The following KIAA1328 variants were observed in gnomAD, a reference collection of about 807,000 sequenced individuals.
KIAA1328 encodes KIAA1328.
KIAA1328 carries 52 observed loss-of-function variants against 68.1 expected under a neutral mutation model. The observed-to-expected ratio is 0.76, with a 90% CI of 0.61 to 0.96. KIAA1328 has a LOEUF of 0.96. KIAA1328 is among the 40% of genes least tolerant of loss of function. The pLI is 0.00. For synonymous variants in KIAA1328, 232 were observed against 239.4 expected (o/e 0.97, Z 0.28); for missense variants, 641 against 677.6 (o/e 0.95, Z 0.60).
intron 9 of KIAA1328, among the ~76,000 whole-genome samples, chr18:37,208,579 C>T (rs774385390): frequency 1.3e-5 from 2 of 152,198 alleles, no homozygotes; most frequent in African/African-American, 2.4e-5. Context: ...ACAGAGCAGA[C>T]GACAGGATCC....
At chr18:37,003,446 G>A (rs1379599246) in intron 6 of KIAA1328, among the ~76,000 whole-genome samples, 2 of 151,944 alleles carry the variant, frequency 1.3e-5, no homozygotes, top group East Asian at 3.9e-4. Flanking sequence ...ACCTGGCAGG[G>A]GACTCATATC....
At chr18:36,856,595 G>A (rs1374737330) in intron 4 of KIAA1328, among the ~76,000 whole-genome samples, 1 of 146,140 alleles carries the variant, frequency 6.8e-6, no homozygotes, top group Non-Finnish European at 1.5e-5. Context: ...CTTGACCATA[G>A]TTCTTTTAGT....
At chr18:36,906,173 C>T (rs1199512960) in intron 5 of KIAA1328, among the ~76,000 whole-genome samples, 2 of 152,112 alleles carry the variant, frequency 1.3e-5, no homozygotes, top group Non-Finnish European at 2.9e-5. Context: ...TTGTATTCCA[C>T]CTTAGAATCC....
intron 6 of KIAA1328, among the ~76,000 whole-genome samples, chr18:37,025,567 A>C (rs2054536669): frequency 6.6e-6 from 1 of 152,140 alleles, no homozygotes; most frequent in African/African-American, 2.4e-5. Context: ...GGATTAAGAA[A>C]CTCACTCAAA....
chr18:36,976,052 A>G (rs1028060010), intron 6 of KIAA1328, among the ~76,000 whole-genome samples: 4 of 152,242 alleles, frequency 2.6e-5, no homozygotes, highest in African/African-American at 7.2e-5. Flanking sequence ...CTCTCAGAGC[A>G]GTACTGCTCA....
Position 37,223,363 on chromosome 18 carries a change from C to G in KIAA1328, c.*1136C>G. On this transcript the variant is annotated 3_prime_UTR_variant, in exon 10 of 10. Transcript: ENST00000280020. ...GGAAGTTATGCAGTGCAGACCTCATCCTGTCTGCTGTCTTTTCTCCCACAG... is the reference window on the plus strand; with the variant it reads ...GGAAGTTATGCAGTGCAGACCTCATGCTGTCTGCTGTCTTTTCTCCCACAG... The G allele has an allele frequency of 1.0e-6, 1 of 985,362 alleles. No individual in the cohort carries two copies. The highest frequency in any genetic ancestry group is 1.2e-6 in the Non-Finnish European group (1 of 829,926). The allele number at this position is 985,362 out of a possible 1,614,324, so 61.0% of individuals were successfully genotyped here.
intron 7 of KIAA1328, among the ~76,000 whole-genome samples, chr18:37,123,533 A>G (rs1485851342): frequency 1.3e-5 from 2 of 152,196 alleles, no homozygotes; most frequent in Non-Finnish European, 2.9e-5. Flanking sequence ...TACAAATAAG[A>G]TGTGCATAAG....
At chr18:37,030,645 T>G (rs570812629) in intron 6 of KIAA1328, among the ~76,000 whole-genome samples, 1 of 152,332 alleles carries the variant, frequency 6.6e-6, no homozygotes, top group Non-Finnish European at 1.5e-5. Flanking sequence ...GGATATAGTA[T>G]TCTGTTTATC....
intron 6 of KIAA1328, among the ~76,000 whole-genome samples, chr18:37,040,329 G>A (rs2055195878): frequency 6.6e-6 from 1 of 152,020 alleles, no homozygotes; most frequent in East Asian, 1.9e-4. Context: ...CCTTCTATTA[G>A]TAATCTGTTT....
chr18:37,078,169 A>G (rs1333549481), intron 7 of KIAA1328, among the ~76,000 whole-genome samples: 1 of 152,174 alleles, frequency 6.6e-6, no homozygotes, highest in African/African-American at 2.4e-5. Flanking sequence ...CTCAGAAATA[A>G]CGCCACATAT....
intron 6 of KIAA1328, among the ~76,000 whole-genome samples, chr18:37,057,232 A>G (rs2151691814): frequency 6.6e-6 from 1 of 152,248 alleles, no homozygotes; most frequent in Non-Finnish European, 1.5e-5. Flanking sequence ...TTCAATTGAA[A>G]GAATATTTAG....
At chr18:36,833,218 T>G (rs2046557689) in intron 1 of KIAA1328, 1 of 152,098 alleles carries the variant, frequency 6.6e-6, no homozygotes, top group Non-Finnish European at 1.5e-5. Context: ...GTAGGTAGGT[T>G]GTGGGAAGAG....
rs1320879698 is a variant in KIAA1328, at chr18:37,152,271, C to T, written c.1233-7929C>T. Among the ~76,000 whole-genome samples, 5 of 151,896 alleles carry T rather than the reference C, an allele frequency of 3.3e-5. No individual in the cohort carries two copies. The South Asian group carries it at 6.2e-4, about 19-fold the overall frequency. ...GAACAGTAGAATTTTAGAAAAGTAA[C>T]GAGACAAAGGTAAAGGACTTTAAGT... On this transcript the variant is annotated intron_variant, in intron 7 of 9. Coordinates refer to ENST00000280020, the MANE Select transcript of KIAA1328 (RefSeq NM_020776.3).
At chr18:36,844,144 G>A in intron 3 of KIAA1328, 64 bp from the exon 4 acceptor site, 1 of 1,068,844 alleles carries the variant, frequency 9.4e-7, no homozygotes. Context: ...TTGCACCTAG[G>A]TTTCTTGAAA....
At chr18:37,022,100 G>A (rs914902712) in intron 6 of KIAA1328, among the ~76,000 whole-genome samples, 2 of 151,672 alleles carry the variant, frequency 1.3e-5, no homozygotes, top group Non-Finnish European at 2.9e-5. Flanking sequence ...AACAAATTGA[G>A]GAATTTACTT....
chr18:36,941,326 G>A (rs2050704062), intron 5 of KIAA1328, among the ~76,000 whole-genome samples: 1 of 152,110 alleles, frequency 6.6e-6, no homozygotes, highest in Non-Finnish European at 1.5e-5. Flanking sequence ...CAGGTGTGGT[G>A]GCTCATGCCT....
At chr18:36,928,565 G>C (rs188468368) in intron 5 of KIAA1328, among the ~76,000 whole-genome samples, 2 of 152,168 alleles carry the variant, frequency 1.3e-5, no homozygotes, top group Admixed American at 6.5e-5. Context: ...GTTGCCATTG[G>C]GGGGGATACA....
At chr18:37,080,055 C>T (rs1302438468) in intron 7 of KIAA1328, among the ~76,000 whole-genome samples, 1 of 151,992 alleles carries the variant, frequency 6.6e-6, no homozygotes, top group Non-Finnish European at 1.5e-5. Flanking sequence ...GCAAGATGAC[C>T]AGGAAGGTTC....
At chr18:37,190,199 T>C (rs1397643078) in intron 9 of KIAA1328, among the ~76,000 whole-genome samples, 2 of 152,190 alleles carry the variant, frequency 1.3e-5, no homozygotes, top group Non-Finnish European at 2.9e-5. Context: ...GAAACCGTAG[T>C]TGGTCCCCCA....
Sources: allele counts gnomAD v4.1 joint callset (sites outside exome capture counted in the v4.1 genomes callset), GRCh38; gene constraint gnomAD v4.1.1; transcripts MANE v1.5; gene names NCBI Gene and HGNC (gene_info 2026-07-23, HGNC 2026-07-21).